Variants in ST8SIA2 observed in about 807,000 individuals in gnomAD.
The protein encoded by ST8SIA2 is alpha-2,8-sialyltransferase 8B.
A neutral mutation model predicts 37.6 loss-of-function variants in ST8SIA2; 22 were observed. The ratio of observed to expected loss-of-function variants is 0.58; its 90% CI spans 0.42 to 0.83. The LOEUF (loss-of-function observed/expected upper bound fraction) is 0.83. Among genes scored for constraint, ST8SIA2 ranks in the 40% least tolerant of loss-of-function variants. The pLI, the probability that ST8SIA2 is intolerant of heterozygous loss-of-function variation, is 0.00. For missense variants in ST8SIA2, 382 were observed against 484.7 expected, an observed-to-expected ratio of 0.79 and a Z score of 1.99; for synonymous variants, 205 against 201.2, an observed-to-expected ratio of 1.02 and a Z score of -0.16.
intron 1 of ST8SIA2, among the ~76,000 whole-genome samples, chr15:92,418,334 C>T (rs60438709): frequency 0.012 from 1,764 of 151,882 alleles, 41 homozygotes; most frequent in African/African-American, 0.04. Flanking sequence ...TGGTGGCACA[C>T]GCCTGTAGTC....
rs1376890477 is a variant in ST8SIA2 at position 92,426,961 on chromosome 15, GCAGGCGC to G, written c.99-3086_99-3080del. 2.0e-5 allele frequency among the ~76,000 whole-genome samples: 3 copies of G among 152,128 alleles called. No individual in the cohort carries two copies. The East Asian group carries it at 5.8e-4, about 29-fold the overall frequency. ...ATACAAAAATTAGCCGGGCGTGATG[GCAGGCGC>G]CTGTAACTCCAACTACTCGGGATGC... On this transcript the variant is annotated intron_variant, in intron 1 of 5. Coordinates refer to ENST00000268164, the MANE Select transcript of ST8SIA2 (RefSeq NM_006011.4).
chr15:92,451,237 C>G (rs2049879790), intron 5 of ST8SIA2, among the ~76,000 whole-genome samples: 1 of 152,194 alleles, frequency 6.6e-6, no homozygotes, highest in Admixed American at 6.5e-5. Context: ...GAAATTTGCA[C>G]TCATTTAGGG....
intron 5 of ST8SIA2, among the ~76,000 whole-genome samples, chr15:92,463,286 G>A (rs576370751): frequency 2.0e-5 from 3 of 152,204 alleles, no homozygotes; most frequent in African/African-American, 4.8e-5. Context: ...GGCAGGAAGC[G>A]GGGACTCTGT....
At chr15:92,414,438 A>C in intron 1 of ST8SIA2, among the ~76,000 whole-genome samples, 1 of 151,746 alleles carries the variant, frequency 6.6e-6, no homozygotes. Context: ...CCCTACCCCA[A>C]CCTCACCTTT....
chr15:92,449,083 G>A (rs1173645413), intron 5 of ST8SIA2, among the ~76,000 whole-genome samples: 1 of 152,108 alleles, frequency 6.6e-6, no homozygotes, highest in African/African-American at 2.4e-5. Context: ...ATTGCATGAT[G>A]CTGAGGTTTG....
intron 1 of ST8SIA2, among the ~76,000 whole-genome samples, chr15:92,408,761 A>G (rs1255109161): frequency 2.0e-5 from 3 of 151,598 alleles, no homozygotes; most frequent in Non-Finnish European, 4.4e-5. Context: ...GCTGGAGTAC[A>G]ATGGCGTGAT....
Position 92,397,235 on chromosome 15 carries a change from T to A in ST8SIA2, c.98+3073T>A, listed in dbSNP as rs867519129. ...ATTACATGTGTATTATCTGGAGGGA[T>A]AAAACTGAGATTTACTTTTCTGAAG... is the stretch of plus-strand genomic sequence containing the variant. On this transcript the variant is annotated intron_variant, in intron 1 of 5. Coordinates refer to ENST00000268164, the MANE Select transcript of ST8SIA2 (RefSeq NM_006011.4). 2.0e-5 allele frequency among the ~76,000 whole-genome samples: 3 copies of A among 152,226 alleles called. No individual in the cohort carries two copies. The South Asian group carries it at 6.2e-4, about 32-fold the overall frequency.
At chr15:92,433,923 A>C (rs2049735359) in intron 2 of ST8SIA2, among the ~76,000 whole-genome samples, 1 of 134,792 alleles carries the variant, frequency 7.4e-6, no homozygotes. Context: ...GTTTCTTATC[A>C]ATAGCTTGAA....
chr15:92,431,860 G>A lies in ST8SIA2; in HGVS notation c.161+1749G>A, dbSNP rs147197951. On this transcript the variant is annotated intron_variant, in intron 2 of 5. Coordinates refer to ENST00000268164, the MANE Select transcript of ST8SIA2 (RefSeq NM_006011.4). ...CAGGGTTAAAATCCCTTAAGACCATGATGGGCTATGCAGGATGCCATCCAA... is the reference window on the plus strand; with the variant it reads ...CAGGGTTAAAATCCCTTAAGACCATAATGGGCTATGCAGGATGCCATCCAA... 5.3e-5 allele frequency among the ~76,000 whole-genome samples: 8 copies of A among 152,302 alleles called. No individual in the cohort carries two copies. In the East Asian group the frequency reaches 1.5e-3, roughly 29 times the overall value.
At chr15:92,396,971 C>T (rs1459018112) in intron 1 of ST8SIA2, among the ~76,000 whole-genome samples, 6 of 152,170 alleles carry the variant, frequency 3.9e-5, no homozygotes, top group Non-Finnish European at 5.9e-5. Flanking sequence ...GCTTTTGCAC[C>T]AGCCCTGCCC....
intron 2 of ST8SIA2, 141 bp from the exon 3 acceptor site, chr15:92,434,106 C>A: frequency 8.8e-7 from 1 of 1,142,110 alleles, no homozygotes; most frequent in South Asian, 1.3e-5. Context: ...AATAGACTTC[C>A]TTCTCTTCTC....
intron 5 of ST8SIA2, among the ~76,000 whole-genome samples, chr15:92,449,278 A>G (rs1451642748): frequency 6.6e-6 from 1 of 152,092 alleles, no homozygotes. Flanking sequence ...GTGTTAATTC[A>G]CTTAGGATTA....
At chr15:92,394,759 G>T (rs957853941) in intron 1 of ST8SIA2, among the ~76,000 whole-genome samples, 1 of 152,186 alleles carries the variant, frequency 6.6e-6, no homozygotes, top group African/African-American at 2.4e-5. Context: ...CTAGAGAAGG[G>T]CTCGCATAGC....
chr15:92,443,376 C>G (rs1033244077), intron 4 of ST8SIA2, among the ~76,000 whole-genome samples: 3 of 152,166 alleles, frequency 2.0e-5, no homozygotes, highest in Non-Finnish European at 4.4e-5. Flanking sequence ...GGCCGGGTCT[C>G]CCACAAGGAA....
chr15:92,429,935 G>GAATGGAGACACTCAC (rs2049702922), intron 1 of ST8SIA2, 114 bp from the exon 2 acceptor site: 1 of 1,143,790 alleles, frequency 8.7e-7, no homozygotes, highest in African/African-American at 1.5e-5. Context: ...CCAGAATGAG[G>GAATGGAGACACTCAC]TCTCTTCCAC....
chr15:92,400,420 C>A (rs1254909673), intron 1 of ST8SIA2, among the ~76,000 whole-genome samples: 1 of 152,222 alleles, frequency 6.6e-6, no homozygotes, highest in Non-Finnish European at 1.5e-5. Flanking sequence ...AGCCTCTCTG[C>A]TCCCAAAAGT....
chr15:92,464,146 C>T lies in ST8SIA2; in HGVS notation c.889C>T (p.Leu297Phe). The T allele has an allele frequency of 6.2e-7, 1 of 1,609,372 alleles. No individual in the cohort carries two copies. Among genetic ancestry groups the T allele is most frequent in the Non-Finnish European group, 8.5e-7 (1 of 1,178,412 alleles). The change falls in exon 6 of 6, where the codon CTC (leucine) becomes TTC (phenylalanine). Residue 297 changes from leucine (L) to phenylalanine (F), a missense_variant. Transcript: ENST00000268164. ...CCACATCAAAAGACCCACCACCGGC[C>T]TCTTGATGTATACCCTGGCCACACG... is the stretch of plus-strand genomic sequence containing the variant. Reference protein sequence around the residue: ...KVHIKRPTTGLLMYTLATRFC... With the variant: ...KVHIKRPTTGFLMYTLATRFC...
chr15:92,416,569 C>A (rs1052620350), intron 1 of ST8SIA2, among the ~76,000 whole-genome samples: 1 of 151,644 alleles, frequency 6.6e-6, no homozygotes, highest in African/African-American at 2.4e-5. Context: ...ATGAAGGAGG[C>A]GGGAAGTCTA....
At chr15:92,410,967 C>T (rs943686440) in intron 1 of ST8SIA2, among the ~76,000 whole-genome samples, 5 of 152,186 alleles carry the variant, frequency 3.3e-5, no homozygotes, top group Non-Finnish European at 7.3e-5. Context: ...GAGCTGTTCT[C>T]ACATTTGTGA....
Sources: gnomAD v4.1 joint callset for allele counts (sites outside exome capture counted in the v4.1 genomes callset) on GRCh38, gnomAD v4.1.1 for gene constraint, MANE v1.5 for transcripts, NCBI Gene and HGNC (gene_info 2026-07-23, HGNC 2026-07-21) for gene names.